MAGI2: variants seen among roughly 807,000 people sequenced by gnomAD.
MAGI2 encodes membrane associated guanylate kinase, WW and PDZ domain containing 2.
MAGI2 carries 35 observed loss-of-function variants against 133.3 expected under a neutral mutation model. That is an observed-to-expected ratio of 0.26 (90% CI 0.20 to 0.35). The LOEUF is 0.35. Among genes scored for constraint, MAGI2 ranks in the 10% least tolerant of loss-of-function variants. The pLI is 1.00. For missense variants in MAGI2, 1,636 were observed against 1,863.4 expected, an observed-to-expected ratio of 0.88 and a Z score of 2.25; for synonymous variants, 729 against 710.6, an observed-to-expected ratio of 1.03 and a Z score of -0.41.
chr7:79,140,149 T>C (rs1821982117), intron 1 of MAGI2, among the ~76,000 whole-genome samples: 1 of 152,214 alleles, frequency 6.6e-6, no homozygotes, highest in Admixed American at 6.5e-5. Context: ...GGTTTTGACT[T>C]CTGATCATGA....
At chr7:78,814,346 C>T (rs567560495) in intron 2 of MAGI2, among the ~76,000 whole-genome samples, 3 of 152,212 alleles carry the variant, frequency 2.0e-5, no homozygotes, top group East Asian at 1.9e-4. Flanking sequence ...AATATAATAG[C>T]GGTATAATCT....
chr7:79,425,596 A>ATG (rs1563212359), intron 1 of MAGI2, among the ~76,000 whole-genome samples: 1 of 57,740 alleles, frequency 1.7e-5, no homozygotes, highest in African/African-American at 2.0e-4. Flanking sequence ...ATATATATAT[A>ATG]TATGTATATA....
chr7:79,039,143 T>G (rs1811384060), intron 1 of MAGI2, among the ~76,000 whole-genome samples: 1 of 152,116 alleles, frequency 6.6e-6, no homozygotes, highest in African/African-American at 2.4e-5. Flanking sequence ...CATGCTGTTC[T>G]CGTGATAGTG....
chr7:78,475,556 A>G (rs1169782315), intron 6 of MAGI2, among the ~76,000 whole-genome samples: 1 of 152,030 alleles, frequency 6.6e-6, no homozygotes, highest in Non-Finnish European at 1.5e-5. Context: ...TAACAAATAC[A>G]GACCTGGCTA....
chr7:78,344,256 G>A (rs1790677147), intron 8 of MAGI2, among the ~76,000 whole-genome samples: 1 of 152,142 alleles, frequency 6.6e-6, no homozygotes, highest in South Asian at 2.1e-4. Context: ...AAAAAAGGCT[G>A]TGTCAACAGG....
At chr7:78,567,824 T>A (rs954783904) in intron 3 of MAGI2, 1 of 152,260 alleles carries the variant, frequency 6.6e-6, no homozygotes, top group African/African-American at 2.4e-5. Context: ...CTGCTTCCTC[T>A]ATGGTAAAAC....
intron 2 of MAGI2, among the ~76,000 whole-genome samples, chr7:78,797,438 T>G (rs1787706584): frequency 6.6e-6 from 1 of 152,102 alleles, no homozygotes; most frequent in South Asian, 2.1e-4. Flanking sequence ...GAATTCAGCT[T>G]CAAAAACTGT....
chr7:78,771,917 GTC>G (rs1825623066), intron 2 of MAGI2, among the ~76,000 whole-genome samples: 1 of 152,170 alleles, frequency 6.6e-6, no homozygotes, highest in Admixed American at 6.5e-5. Context: ...CTGTTTCAGT[GTC>G]TCTGTCTTAA....
intron 2 of MAGI2, among the ~76,000 whole-genome samples, chr7:78,638,567 C>A (rs1046118786): frequency 2.0e-5 from 3 of 152,154 alleles, no homozygotes; most frequent in Non-Finnish European, 2.9e-5. Flanking sequence ...CCAATAAAAT[C>A]AGATTCCTTG....
intron 6 of MAGI2, among the ~76,000 whole-genome samples, chr7:78,458,658 A>G (rs370514013): frequency 1.2e-3 from 184 of 147,642 alleles, no homozygotes; most frequent in African/African-American, 4.3e-3. Flanking sequence ...TTTTTGAGAC[A>G]GAGTCTCACT....
Position 79,123,598 on chromosome 7 carries a change from C to A in MAGI2, c.302-116392G>T, listed in dbSNP as rs547293974. 1.4e-4 allele frequency among the ~76,000 whole-genome samples: 21 copies of A among 152,026 alleles called. No homozygotes were observed. In the South Asian group the frequency reaches 3.7e-3, roughly 27 times the overall value. ...ATCAGGAGTTTGAGACCAGCCTGAC[C>A]AACATGGTGAAACCTCATCTCTACT... On this transcript the variant is annotated intron_variant, in intron 1 of 21. Coordinates refer to ENST00000354212, the MANE Select transcript of MAGI2 (RefSeq NM_012301.4).
intron 2 of MAGI2, among the ~76,000 whole-genome samples, chr7:78,746,133 A>T (rs544464749): frequency 6.6e-6 from 1 of 152,276 alleles, no homozygotes; most frequent in South Asian, 2.1e-4. Flanking sequence ...TAATTAAATG[A>T]TCCCTTTTAC....
At chr7:78,986,037 C>T (rs148716712) in intron 2 of MAGI2, among the ~76,000 whole-genome samples, 13 of 152,102 alleles carry the variant, frequency 8.5e-5, no homozygotes, top group African/African-American at 1.7e-4. Flanking sequence ...TCAGTTACTG[C>T]GCTGTGTTTA....
intron 3 of MAGI2, among the ~76,000 whole-genome samples, chr7:78,608,449 G>GTA (rs1239583646): frequency 3.2e-4 from 48 of 148,968 alleles, no homozygotes; most frequent in Middle Eastern, 3.6e-3. Flanking sequence ...ATATATATAT[G>GTA]TATATATATA....
At chr7:78,843,827 T>C (rs542373931) in intron 2 of MAGI2, among the ~76,000 whole-genome samples, 2 of 151,406 alleles carry the variant, frequency 1.3e-5, no homozygotes, top group African/African-American at 2.4e-5. Context: ...ATTATGCAAA[T>C]AGTTTAATAC....
intron 1 of MAGI2, among the ~76,000 whole-genome samples, chr7:79,354,951 C>G (rs1164486816): frequency 6.6e-6 from 1 of 152,214 alleles, no homozygotes; most frequent in Non-Finnish European, 1.5e-5. Flanking sequence ...TCTCCTACCT[C>G]TGTTGGGATC....
chr7:78,170,556 T>A (rs1826016882), intron 14 of MAGI2: 1 of 152,180 alleles, frequency 6.6e-6, no homozygotes, highest in Admixed American at 6.5e-5. Context: ...AGAGCTTCCA[T>A]TCTAGTGGTC....
At chr7:79,305,989 CTT>C (rs765424561) in intron 1 of MAGI2, among the ~76,000 whole-genome samples, 3 of 138,470 alleles carry the variant, frequency 2.2e-5, no homozygotes, top group African/African-American at 2.6e-5. Context: ...CCTGTAGTAT[CTT>C]TTTTTTTTTT....
chr7:78,677,663 C>T (rs1290637065), intron 2 of MAGI2, among the ~76,000 whole-genome samples: 2 of 152,064 alleles, frequency 1.3e-5, no homozygotes, highest in Admixed American at 6.6e-5. Flanking sequence ...GAAGTCTTCC[C>T]ATAAAAATTA....
Sources: gnomAD v4.1 joint callset for allele counts (sites outside exome capture counted in the v4.1 genomes callset) on GRCh38, gnomAD v4.1.1 for gene constraint, MANE v1.5 for transcripts, NCBI Gene and HGNC (gene_info 2026-07-23, HGNC 2026-07-21) for gene names.